ZC3H13: variants seen among roughly 807,000 people sequenced by gnomAD.
The protein encoded by ZC3H13 is zinc finger CCCH-type containing 13, also known as zinc finger CCCH domain-containing protein 13.
In ZC3H13, 64 loss-of-function variants were observed where a neutral mutation model predicts 204.1. That is an observed-to-expected ratio of 0.31 (90% CI 0.26 to 0.39). The LOEUF is 0.39. Among genes scored for constraint, ZC3H13 ranks in the 10% least tolerant of loss-of-function variants. ZC3H13 has a pLI of 1.00. For missense variants in ZC3H13, 1,833 were observed against 2,082.7 expected (o/e 0.88, Z 2.33); for synonymous variants, 667 against 693.7 (o/e 0.96, Z 0.60).
rs1951877511 is a variant in ZC3H13, at chr13:45,963,947, G to T, written c.4570C>A (p.Pro1524Thr). ...CCAACTCTTAGCATAACAGCTCCAG[G>T]TGTGAATTTTAAGAGTGCAGCCCCA... ...EPGAALLKFTPGAVMLRVGIS... is the reference protein window; with the variant it reads ...EPGAALLKFTTGAVMLRVGIS... Residue 1524 changes from proline (P) to threonine (T), a missense_variant, in exon 17 of 19, where the codon CCT becomes ACT. Transcript: ENST00000679008. 6.2e-7 allele frequency: 1 copy of T among 1,614,140 alleles called. No homozygotes were observed. Among genetic ancestry groups the T allele is most frequent in the Non-Finnish European group, 8.5e-7 (1 of 1,180,014 alleles).
chr13:45,993,798 G>A (rs114681081), intron 8 of ZC3H13, among the ~76,000 whole-genome samples: 4,060 of 152,228 alleles, frequency 0.027, 172 homozygotes, highest in African/African-American at 0.093. Flanking sequence ...CAATCTTACA[G>A]AACTAGGAGG....
chr13:45,994,278 C>G (rs1333151817), intron 8 of ZC3H13, among the ~76,000 whole-genome samples: 2 of 152,142 alleles, frequency 1.3e-5, no homozygotes, highest in African/African-American at 4.8e-5. Flanking sequence ...AGTAAAGTTT[C>G]CAGTTAACAG....
Position 46,003,356 on chromosome 13 carries a change from A to G in ZC3H13, c.747-20T>C. ...GAATTTCTGAAGGTAACAAAAAGCT[A>G]TCATTAGAGGTTCAAATATGCCAAA... is the stretch of plus-strand genomic sequence containing the variant. On this transcript the variant is annotated intron_variant, in intron 7 of 18. Coordinates refer to ENST00000679008, the MANE Select transcript of ZC3H13 (RefSeq NM_001330564.2). 2 of 1,598,800 alleles carry G rather than the reference A, an allele frequency of 1.3e-6. No homozygotes were observed. The highest frequency in any genetic ancestry group is 1.7e-6 in the Non-Finnish European group (2 of 1,175,332).
chr13:45,963,352 T>A (rs1183322320), intron 17 of ZC3H13: 2 of 986,492 alleles, frequency 2.0e-6, no homozygotes. Flanking sequence ...TGTAGTCTGT[T>A]TTTCCTGGCT....
chr13:46,029,126 T>C (rs2042720766), intron 4 of ZC3H13, among the ~76,000 whole-genome samples: 1 of 152,102 alleles, frequency 6.6e-6, no homozygotes, highest in Non-Finnish European at 1.5e-5. Context: ...GGGATCTCAC[T>C]ACAAATCCCA....
rs896991264 is a variant in ZC3H13, at chr13:45,984,183, G to GT, written c.1720+1113dup. Among the ~76,000 whole-genome samples, 7 of 152,300 alleles carry GT rather than the reference G, an allele frequency of 4.6e-5. No homozygotes were observed. In the East Asian group the frequency reaches 7.7e-4, roughly 17 times the overall value. ...ATAGTAGGATATAAAACAGTACATAGTTTTTTCCAGTGTTTTTAAAAATTA... is the reference window on the plus strand; with the variant it reads ...ATAGTAGGATATAAAACAGTACATAGTTTTTTTCCAGTGTTTTTAAAAATTA... On this transcript the variant is annotated intron_variant, in intron 10 of 18. Coordinates refer to ENST00000679008, the MANE Select transcript of ZC3H13 (RefSeq NM_001330564.2).
intron 10 of ZC3H13, among the ~76,000 whole-genome samples, chr13:45,983,061 C>T (rs1376035188): frequency 6.6e-6 from 1 of 152,064 alleles, no homozygotes; most frequent in East Asian, 1.9e-4. Context: ...ACAGAACAAA[C>T]AGACTAAGAA....
intron 9 of ZC3H13, among the ~76,000 whole-genome samples, chr13:45,986,387 G>A (rs1954194087): frequency 6.6e-6 from 1 of 152,184 alleles, no homozygotes; most frequent in African/African-American, 2.4e-5. Context: ...GAATCCAGGA[G>A]TTTGAGTTCA....
chr13:46,011,177 G>T (rs970600795), intron 6 of ZC3H13, among the ~76,000 whole-genome samples: 2 of 152,102 alleles, frequency 1.3e-5, no homozygotes, highest in African/African-American at 4.8e-5. Flanking sequence ...ATTAGCTGGT[G>T]ACTCTAGGCA....
At chr13:45,984,554 T>C (rs1332679489) in intron 10 of ZC3H13, among the ~76,000 whole-genome samples, 2 of 151,930 alleles carry the variant, frequency 1.3e-5, no homozygotes, top group African/African-American at 4.8e-5. Context: ...AAAATTGATA[T>C]GAAAAAGTAA....
At chr13:45,967,419 G>A (rs1952185006) in intron 15 of ZC3H13, 85 bp downstream of exon 15, 8 of 1,454,102 alleles carry the variant, frequency 5.5e-6, no homozygotes, top group Non-Finnish European at 7.3e-6. Flanking sequence ...CCATTAGTGG[G>A]TGCCCTTTCA....
intron 1 of ZC3H13, among the ~76,000 whole-genome samples, chr13:46,046,367 A>C (rs1037154291): frequency 2.6e-5 from 4 of 152,054 alleles, no homozygotes; most frequent in African/African-American, 9.7e-5. Flanking sequence ...ACATAAAAAT[A>C]TTTTTTAAGG....
In ZC3H13 at chr13:45,985,737, T is replaced by C. The variant is rs774560522; in HGVS notation, c.1280A>G (p.Glu427Gly). The change falls in exon 10 of 19, where the codon GAA (glutamate) becomes GGA (glycine). Residue 427 changes from glutamate (E) to glycine (G), a missense_variant. Physicochemically the swap from Glu to Gly is moderately conservative, Grantham distance 98. Transcript: ENST00000679008. The stretch of plus-strand genomic sequence containing the variant: ...TTCTCGTTCTTCTCTTGAGTCCTTT[T>C]CTCTGTCTCGTTTGCCCCTAGTATC... ...REDTRGKRDR[E>G]KDSREEREYE... 2.5e-6 allele frequency: 4 copies of C among 1,610,684 alleles called. No homozygotes were observed. Among genetic ancestry groups the C allele is most frequent in the African/African-American group, 1.3e-5 (1 of 74,498 alleles).
At chr13:46,037,537 T>C (rs2043286634) in intron 4 of ZC3H13, among the ~76,000 whole-genome samples, 1 of 152,198 alleles carries the variant, frequency 6.6e-6, no homozygotes, top group South Asian at 2.1e-4. Context: ...TCAAATTCCA[T>C]AAAATAACAA....
At chr13:46,012,632 T>C (rs1230403590) in intron 5 of ZC3H13, among the ~76,000 whole-genome samples, 1 of 152,194 alleles carries the variant, frequency 6.6e-6, no homozygotes, top group Non-Finnish European at 1.5e-5. Context: ...CTAAGCTTGA[T>C]TACTCATCTT....
At position 45,967,659 on chromosome 13, in the gene ZC3H13, C is replaced by T. The variant is rs762055730; in HGVS notation, c.4166G>A (p.Arg1389His). The T allele has an allele frequency of 3.1e-6, 5 of 1,613,952 alleles. No individual in the cohort carries two copies. The highest frequency in any genetic ancestry group is 1.6e-4 in the Middle Eastern group (1 of 6,082). ...TTCACCTTCCAGTTTTGCTTCACAG[C>T]GTTTCACAGACTCTATTTGAGAACT... Reference protein sequence around the residue: ...FESSQIESVKRCEAKLEGEHE... With the variant: ...FESSQIESVKHCEAKLEGEHE... Residue 1389 changes from arginine to histidine, a missense_variant, in exon 15 of 19, where the codon CGC becomes CAC. Physicochemically the swap from Arg to His is conservative, Grantham distance 29. This residue lies in a region of ZC3H13 where 1,574 missense variants were observed against 1,757.2 expected (regional missense o/e 0.90). Transcript: ENST00000679008.
chr13:45,976,823 A>T (rs1035338969), intron 11 of ZC3H13, among the ~76,000 whole-genome samples: 4 of 152,182 alleles, frequency 2.6e-5, no homozygotes, highest in Non-Finnish European at 1.5e-5. Flanking sequence ...TTTGATAAAG[A>T]TCATATTATA....
At chr13:45,979,679 A>G in intron 11 of ZC3H13, 134 bp downstream of exon 11, 3 of 851,030 alleles carry the variant, frequency 3.5e-6, no homozygotes, top group Non-Finnish European at 5.2e-6. Context: ...GAGTATATAT[A>G]ATAGTTTCAA....
intron 8 of ZC3H13, among the ~76,000 whole-genome samples, chr13:45,997,963 C>A (rs566969091): frequency 6.6e-6 from 1 of 152,328 alleles, no homozygotes; most frequent in African/African-American, 2.4e-5. Context: ...CTTTTGCTCA[C>A]TGCTGCAATA....
Sources: allele counts gnomAD v4.1 joint callset (sites outside exome capture counted in the v4.1 genomes callset), GRCh38; gene constraint gnomAD v4.1.1; regional missense constraint gnomAD v4.1.1; transcripts MANE v1.5; gene names NCBI Gene and HGNC (gene_info 2026-07-23, HGNC 2026-07-21).